Variants in NINL observed in about 807,000 individuals in gnomAD.
NINL encodes the protein ninein-like protein.
In NINL, 153 loss-of-function variants were observed where a neutral mutation model predicts 160.3. That is an observed-to-expected ratio of 0.95 (90% confidence interval 0.84 to 1.09). The LOEUF is 1.09. NINL is among the 50% of genes least tolerant of loss of function. The pLI, the probability that NINL is intolerant of heterozygous loss-of-function variation, is 0.00. For missense variants in NINL, 1,829 were observed against 1,764.0 expected (o/e 1.04, Z -0.66); for synonymous variants, 800 against 734.8 (o/e 1.09, Z -1.43).
At chr20:25,472,367 A>G (rs1360131929) in intron 17 of NINL, among the ~76,000 whole-genome samples, 11 of 96,874 alleles carry the variant, frequency 1.1e-4, no homozygotes, top group Non-Finnish European at 1.9e-4. Flanking sequence ...ATATATATAT[A>G]CTTTTTTTTT....
chr20:25,575,579 C>T (rs531004016), intron 1 of NINL, among the ~76,000 whole-genome samples: 2 of 151,990 alleles, frequency 1.3e-5, no homozygotes, highest in East Asian at 1.9e-4. Context: ...GGTGAAACCC[C>T]GTCTCTACTA....
chr20:25,485,305 C>A (rs2063485197), intron 13 of NINL, among the ~76,000 whole-genome samples: 2 of 152,162 alleles, frequency 1.3e-5, no homozygotes, highest in South Asian at 4.1e-4. Flanking sequence ...TAAAAGCCCT[C>A]GCTTGTGGCT....
At chr20:25,454,015 G>A (rs1171018489) in intron 23 of NINL, among the ~76,000 whole-genome samples, 1 of 151,936 alleles carries the variant, frequency 6.6e-6, no homozygotes, top group African/African-American at 2.4e-5. Context: ...TCGCACCACT[G>A]CACTCCATCC....
intron 1 of NINL, among the ~76,000 whole-genome samples, chr20:25,582,718 C>G (rs569297830): frequency 1.6e-4 from 25 of 152,204 alleles, no homozygotes; most frequent in African/African-American, 5.8e-4. Flanking sequence ...TGAACATTTT[C>G]CTTTTAATAT....
At position 25,461,525 on chromosome 20, in the gene NINL, GT is replaced by G; in HGVS notation, c.3692del (p.Asp1231AlafsTer8). 6.4e-7 allele frequency: 1 copy of G among 1,559,554 alleles called. No individual in the cohort carries two copies. ...ELTQTLEESQ[D>X]QVQGAHLRLR... ...TCCAGCCATCGCTCACACCCACCTG[GT>G]CTTGACTTTCCTCAAGGGTCTGGGT... On this transcript the variant is annotated frameshift_variant, in exon 21 of 24. Transcript: ENST00000278886. LOFTEE classifies it high-confidence loss of function.
intron 2 of NINL, 116 bp downstream of exon 2, chr20:25,526,292 G>T: frequency 1.1e-6 from 1 of 926,340 alleles, no homozygotes; most frequent in Non-Finnish European, 1.7e-6. Flanking sequence ...TGTTCCATTT[G>T]CTAATAACTT....
At chr20:25,491,636 G>T (rs185668009) in intron 10 of NINL, 111 bp from the exon 11 acceptor site, 1 of 1,298,700 alleles carries the variant, frequency 7.7e-7, no homozygotes. Flanking sequence ...TCCTCAGCAC[G>T]TGCAGGGCCG....
At chr20:25,582,613 G>C (rs1160963795) in intron 1 of NINL, among the ~76,000 whole-genome samples, 1 of 152,134 alleles carries the variant, frequency 6.6e-6, no homozygotes. Context: ...TGCCAATACA[G>C]ATCAATTCAA....
At chr20:25,469,237 C>T (rs2146420071) in intron 18 of NINL, among the ~76,000 whole-genome samples, 1 of 57,788 alleles carries the variant, frequency 1.7e-5, no homozygotes, top group Admixed American at 1.5e-4. Context: ...CCCTGTCCCC[C>T]TGACTCTCAT....
chr20:25,566,039 C>A lies in NINL; in HGVS notation c.-12+19416G>T, dbSNP rs578239447. Among the ~76,000 whole-genome samples, 4 of 152,312 alleles carry A rather than the reference C, an allele frequency of 2.6e-5. No homozygotes were observed. The East Asian group carries it at 7.7e-4, about 29-fold the overall frequency. ...AGCCATGCTATTAGCATCCTAGGACCTCCAGTTGGCAGCCAGCCGGGCACT... is the reference window on the plus strand; with the variant it reads ...AGCCATGCTATTAGCATCCTAGGACATCCAGTTGGCAGCCAGCCGGGCACT... On this transcript the variant is annotated intron_variant, in intron 1 of 23. Transcript: ENST00000278886.
At chr20:25,491,316 C>G (rs772477704) in intron 11 of NINL, 35 bp downstream of exon 11, 1 of 1,578,860 alleles carries the variant, frequency 6.3e-7, no homozygotes, top group Non-Finnish European at 8.6e-7. Flanking sequence ...TCAGGCACCC[C>G]CCCAGCTTCC....
chr20:25,512,403 T>C (rs574180021), intron 4 of NINL, among the ~76,000 whole-genome samples: 1 of 152,170 alleles, frequency 6.6e-6, no homozygotes, highest in Non-Finnish European at 1.5e-5. Flanking sequence ...GAAAGAGAGA[T>C]GTTGTATACA....
At chr20:25,555,160 AATGTAGGCAGTCT>A (rs970906366) in intron 1 of NINL, among the ~76,000 whole-genome samples, 1 of 152,090 alleles carries the variant, frequency 6.6e-6, no homozygotes, top group African/African-American at 2.4e-5. Flanking sequence ...CCTGACCCAA[AATGTAGGCAGTCT>A]ATCAGGCGTC....
chr20:25,467,899 C>G (rs2062958670), intron 18 of NINL, among the ~76,000 whole-genome samples: 1 of 152,062 alleles, frequency 6.6e-6, no homozygotes, highest in African/African-American at 2.4e-5. Context: ...CTCAAGAAAA[C>G]CAGAGAAAAA....
At chr20:25,579,935 T>C (rs2065154149) in intron 1 of NINL, among the ~76,000 whole-genome samples, 1 of 152,108 alleles carries the variant, frequency 6.6e-6, no homozygotes, top group African/African-American at 2.4e-5. Flanking sequence ...AACTGAGAGA[T>C]TTTGAAGAGT....
Position 25,534,425 on chromosome 20 carries a change from A to G in NINL, c.-11-7827T>C, listed in dbSNP as rs73337316. Reference sequence around the variant, plus strand: ...AAGAGATACAGTCATGTATCACTTAACAATGGTGATAAGTTCTGAAAATGT... The same window carrying G: ...AAGAGATACAGTCATGTATCACTTAGCAATGGTGATAAGTTCTGAAAATGT... On this transcript the variant is annotated intron_variant, in intron 1 of 23. Transcript: ENST00000278886. Among the ~76,000 whole-genome samples the G allele has an allele frequency of 6.5e-3, 993 of 152,356 alleles. 16 individuals are homozygous for G. The highest frequency in any genetic ancestry group is 0.023 in the African/African-American group (951 of 41,576).
Position 25,500,823 on chromosome 20 carries a change from A to C in NINL, c.1032+17T>G, listed in dbSNP as rs747039456. 33 of 1,610,150 alleles carry C rather than the reference A, an allele frequency of 2.0e-5. No homozygotes were observed. Among genetic ancestry groups the C allele is most frequent in the Non-Finnish European group, 2.8e-5 (33 of 1,177,992 alleles). On this transcript the variant is annotated intron_variant, in intron 8 of 23. Coordinates refer to ENST00000278886, the MANE Select transcript of NINL (RefSeq NM_025176.6). ...CCCAGGTCCCCTGTCCAGCTTAGGC[A>C]TCACCCAGTTCCAAACCTGCAAGAT...
intron 13 of NINL, among the ~76,000 whole-genome samples, chr20:25,486,926 A>G (rs2063515150): frequency 6.6e-6 from 1 of 152,232 alleles, no homozygotes; most frequent in Non-Finnish European, 1.5e-5. Flanking sequence ...TTTTCCCTAT[A>G]ATACCTGCTC....
Position 25,539,395 on chromosome 20 carries a change from C to A in NINL, c.-11-12797G>T, listed in dbSNP as rs113434984. Reference sequence around the variant, plus strand: ...CCGCAGGGCCCCTGAGCGGCCAAGGCAGGCAGCTCAGGTCTGGGCAAGTCC... The same window carrying A: ...CCGCAGGGCCCCTGAGCGGCCAAGGAAGGCAGCTCAGGTCTGGGCAAGTCC... On this transcript the variant is annotated intron_variant, in intron 1 of 23. Coordinates refer to ENST00000278886, the MANE Select transcript of NINL (RefSeq NM_025176.6). Among the ~76,000 whole-genome samples, 1,040 of 152,342 alleles carry A rather than the reference C, an allele frequency of 6.8e-3. 18 individuals are homozygous for A. The highest frequency in any genetic ancestry group is 0.024 in the African/African-American group (998 of 41,580).
Sources: allele counts gnomAD v4.1 joint callset (sites outside exome capture counted in the v4.1 genomes callset), GRCh38; gene constraint gnomAD v4.1.1; transcripts MANE v1.5; gene names NCBI Gene and HGNC (gene_info 2026-07-23, HGNC 2026-07-21).